Variants in PARP10 observed in about 807,000 individuals in gnomAD.
PARP10 encodes the protein poly(ADP-ribose) polymerase family member 10.
A neutral mutation model predicts 82.4 loss-of-function variants in PARP10; 56 were observed. That is an observed-to-expected ratio of 0.68 (90% CI 0.55 to 0.85). The LOEUF (loss-of-function observed/expected upper bound fraction) is 0.85. PARP10 is among the 40% of genes least tolerant of loss of function. The pLI is 0.00. For missense variants in PARP10, 1,227 were observed against 1,379.4 expected (o/e 0.89, Z 1.75); for synonymous variants, 576 against 601.1 (o/e 0.96, Z 0.61).
intron 9 of PARP10, 99 bp downstream of exon 9, chr8:143,982,833 T>C: frequency 6.5e-7 from 1 of 1,533,478 alleles, no homozygotes; most frequent in Non-Finnish European, 8.8e-7. Context: ...TCAGCTGACC[T>C]TGATGTAGGC....
chr8:144,001,410 T>G (rs1834201792), intron 1 of PARP10, among the ~76,000 whole-genome samples: 1 of 152,074 alleles, frequency 6.6e-6, no homozygotes, highest in African/African-American at 2.4e-5. Context: ...AAATATAAAT[T>G]TAATTCAAAA....
upstream of PARP10, chr8:143,990,683 G>C (rs979275669): frequency 6.6e-6 from 1 of 152,134 alleles, no homozygotes; most frequent in African/African-American, 2.4e-5. This position sits in a 1 kb window ranked among gnomAD's most constrained non-coding sequence, Gnocchi z 5.6. Flanking sequence ...CCCTGTTGTT[G>C]GGCTCGCGGG....
rs1715672720 is a variant in PARP10, at chr8:143,977,288, G to A, written c.*196C>T. 1.7e-6 allele frequency: 1 copy of A among 605,878 alleles called. No individual in the cohort carries two copies. Among genetic ancestry groups the A allele is most frequent in the Admixed American group, 3.2e-5 (1 of 31,330 alleles). The allele number at this position is 605,878 out of a possible 1,614,324, so 37.5% of individuals were successfully genotyped here. A position where few individuals can be genotyped will look rare whatever the true frequency, so the allele number is the denominator to read the frequency against. Reference sequence around the variant, plus strand: ...TCTGCTGACCCCTGGTGGTGGGGTCGGCCCAGGCTGGGACCTAGCCCGGCC... The same window carrying A: ...TCTGCTGACCCCTGGTGGTGGGGTCAGCCCAGGCTGGGACCTAGCCCGGCC... On this transcript the variant is annotated 3_prime_UTR_variant, in exon 11 of 11. Transcript: ENST00000313028.
chr8:144,009,617 G>A (rs573039019), intron 1 of PARP10, among the ~76,000 whole-genome samples: 18 of 152,132 alleles, frequency 1.2e-4, no homozygotes, highest in African/African-American at 4.3e-4. Flanking sequence ...TCTCCTCTAC[G>A]ACCTGGAGCA....
chr8:143,992,937 T>C (rs558257354), upstream of PARP10: 1 of 1,045,470 alleles, frequency 9.6e-7, no homozygotes, highest in Admixed American at 2.2e-5. Flanking sequence ...CTCTCTCTTG[T>C]CCCCAGGCAC....
Position 144,012,758 on chromosome 8 carries a change from G to C in PARP10, c.-308C>G. 4 of 1,548,562 alleles carry C rather than the reference G, an allele frequency of 2.6e-6. No homozygotes were observed. In the South Asian group the frequency reaches 4.8e-5, roughly 18 times the overall value. ...GGCCTCGCTCCCAAGAGAGTGAGGA[G>C]GGAAGTGGGGACTGCACCAGAGAGG... is the stretch of plus-strand genomic sequence containing the variant. On this transcript the variant is annotated 5_prime_UTR_variant, in exon 1 of 4. Coordinates refer to the PARP10 transcript ENST00000530478.
At chr8:143,992,933 C>T (rs575885316), upstream of PARP10, 53 of 1,098,022 alleles carry the variant, frequency 4.8e-5, no homozygotes, top group East Asian at 2.8e-4. Flanking sequence ...TCCCCTCTCT[C>T]TTGTCCCCAG....
In PARP10 at chr8:143,985,748, G is replaced by A; in HGVS notation, c.409C>T (p.Gln137Ter). ...GCCTCAGAAAGGGGCTTGGGCAACT[G>A]GACCAGAGCCCGGTCTGGCCGGGGG... ...ASPRPDRALV[Q>*]LPKPLSEADV... The change falls in exon 3 of 11, where the codon CAG becomes TAG. Residue 137 changes from glutamine to a stop codon, truncating the protein, a stop_gained. Transcript: ENST00000313028. LOFTEE classifies it high-confidence loss of function. 1 of 1,608,838 alleles carries A rather than the reference G, an allele frequency of 6.2e-7. No individual in the cohort carries two copies. The highest frequency in any genetic ancestry group is 8.5e-7 in the Non-Finnish European group (1 of 1,177,362).
chr8:143,997,839 C>T (rs781906846), intron 1 of PARP10, among the ~76,000 whole-genome samples: 11 of 151,662 alleles, frequency 7.3e-5, no homozygotes, highest in South Asian at 2.1e-4. Flanking sequence ...TCACCCAGAC[C>T]GGGACACAGA....
At chr8:143,990,970 C>A (rs1834082694), upstream of PARP10, 1 of 294,668 alleles carries the variant, frequency 3.4e-6, no homozygotes, top group Non-Finnish European at 6.3e-6. This position sits in a 1 kb window ranked among gnomAD's most constrained non-coding sequence, Gnocchi z 5.6. Flanking sequence ...CGGCCCCTCC[C>A]CCACCCTAAA....
chr8:143,984,401 C>T lies in PARP10; in HGVS notation c.1489G>A (p.Ala497Thr). ...AGCAGGCTCCGCAGAAACTCCTCAG[C>T]CGCCTGGCAGGAAGCCTGGGCTCCA... Reference protein sequence around the residue: ...LCGAQASCQAAEEFLRSLLGS... With the variant: ...LCGAQASCQATEEFLRSLLGS... The change falls in exon 6 of 11, where the codon GCT becomes ACT. Residue 497 changes from alanine (A) to threonine (T), a missense_variant. Physicochemically the swap from Ala to Thr is moderately conservative, Grantham distance 58 (BLOSUM62 0). Coordinates refer to ENST00000313028, the MANE Select transcript of PARP10 (RefSeq NM_032789.5). The T allele has an allele frequency of 6.2e-7, 1 of 1,611,350 alleles. No homozygotes were observed. Among genetic ancestry groups the T allele is most frequent in the Non-Finnish European group, 8.5e-7 (1 of 1,179,294 alleles).
Position 143,985,406 on chromosome 8 carries a change from A to G in PARP10, c.673+6T>C. The G allele has an allele frequency of 7.5e-6, 12 of 1,607,002 alleles. No individual in the cohort carries two copies. The highest frequency in any genetic ancestry group is 1.0e-5 in the Non-Finnish European group (12 of 1,176,698). Reference sequence around the variant, plus strand: ...CGGTCGGCTGGGTCTGCCCAGCCCCACTCACCTTGCCACTGCTGGAAGGAG... The same window carrying G: ...CGGTCGGCTGGGTCTGCCCAGCCCCGCTCACCTTGCCACTGCTGGAAGGAG... On this transcript the variant is annotated splice_donor_region_variant and intron_variant, in intron 4 of 10. Transcript: ENST00000313028.
At position 143,983,529 on chromosome 8, in the gene PARP10, A is replaced by C; in HGVS notation, c.2060T>G (p.Leu687Arg). 6.2e-7 allele frequency: 1 copy of C among 1,606,302 alleles called. No homozygotes were observed. The highest frequency in any genetic ancestry group is 8.5e-7 in the Non-Finnish European group (1 of 1,176,746). Residue 687 changes from leucine to arginine, a missense_variant, in exon 8 of 11, where the codon CTG becomes CGG. By Grantham distance (102) the Leu-to-Arg change is moderately radical. Transcript: ENST00000313028. ...AALRQALTLS[L>R]LEQPPLEAEE... is the part of the protein sequence containing the mutation. ...TGCCTCCAACGGGGGCTGCTCCAGCAGGGAGAGGGTTAGGGCTTGCCGCAG... is the reference window on the plus strand; with the variant it reads ...TGCCTCCAACGGGGGCTGCTCCAGCCGGGAGAGGGTTAGGGCTTGCCGCAG...
chr8:143,977,505 C>A lies in PARP10; in HGVS notation c.3057G>T (p.Pro1019=), dbSNP rs781846023. 6.4e-7 allele frequency: 1 copy of A among 1,553,134 alleles called. No individual in the cohort carries two copies. Among genetic ancestry groups the A allele is most frequent in the East Asian group, 2.4e-5 (1 of 41,392 alleles). Residue 1019 remains proline, a synonymous_variant, in exon 11 of 11, where the codon CCG becomes CCT. Transcript: ENST00000313028. ...RASPDDPSGL[P]GRSPDT ...TCGGTTAAGTGTCTGGGGAGCGGCC[C>A]GGGAGCCCAGAGGGGTCGTCGGGGG...
chr8:143,988,008 G>A (rs542122818), upstream of PARP10, among the ~76,000 whole-genome samples: 19 of 151,412 alleles, frequency 1.3e-4, no homozygotes, highest in South Asian at 4.0e-3. Flanking sequence ...TGCTCAGAGG[G>A]CTCCAGGCTC....
chr8:143,991,748 G>A, upstream of PARP10: 1 of 1,613,942 alleles, frequency 6.2e-7, no homozygotes. Context: ...TGACAACCAG[G>A]ACTTCCCTGC....
chr8:144,008,702 T>C lies in PARP10; in HGVS notation c.-80+3828A>G, dbSNP rs1222429752. Among the ~76,000 whole-genome samples, 1 of 152,158 alleles carries C rather than the reference T, an allele frequency of 6.6e-6. No individual in the cohort carries two copies. Among genetic ancestry groups the C allele is most frequent in the Admixed American group, 6.5e-5 (1 of 15,282 alleles). Reference sequence around the variant, plus strand: ...CTGAGAGCAGCATAGAGAGGCCCAGTGTCTCTCACTCCCCAGACTCTAGCC... The same window carrying C: ...CTGAGAGCAGCATAGAGAGGCCCAGCGTCTCTCACTCCCCAGACTCTAGCC... On this transcript the variant is annotated intron_variant, in intron 1 of 3. Transcript: ENST00000530478. This position sits in a 1 kb window ranked among gnomAD's most constrained non-coding sequence, Gnocchi z 4.0.
chr8:143,978,937 C>T (rs531628620), intron 9 of PARP10, among the ~76,000 whole-genome samples: 2 of 152,080 alleles, frequency 1.3e-5, no homozygotes, highest in South Asian at 4.2e-4. Context: ...GCCAGGAAAC[C>T]TCAACCTTCA....
upstream of PARP10, chr8:143,991,210 C>T (rs548564010): frequency 1.9e-6 from 3 of 1,557,530 alleles, no homozygotes; most frequent in Admixed American, 1.9e-5. Context: ...GGGCGGACCG[C>T]GGAACCCGAG....
Sources: gnomAD v4.1 joint callset for allele counts (sites outside exome capture counted in the v4.1 genomes callset) on GRCh38, gnomAD v4.1.1 for gene constraint, Gnocchi (gnomAD v3.1) non-coding constraint, MANE v1.5 for transcripts, NCBI Gene and HGNC (gene_info 2026-07-23, HGNC 2026-07-21) for gene names.